The following SLC27A6 variants were observed in gnomAD, a reference collection of about 807,000 sequenced individuals.
The protein encoded by SLC27A6 is solute carrier family 27 member 6.
SLC27A6 carries 74 observed loss-of-function variants against 63.9 expected under a neutral mutation model. The ratio of observed to expected loss-of-function variants is 1.16; its 90% CI spans 0.96 to 1.40. The LOEUF is 1.40. Ranked by LOEUF, SLC27A6 falls within the 40% of genes most tolerant of loss-of-function variation. SLC27A6 has a pLI of 0.00. For synonymous variants in SLC27A6, 287 were observed against 260.8 expected, an observed-to-expected ratio of 1.10 and a Z score of -0.97; for missense variants, 794 against 732.9, an observed-to-expected ratio of 1.08 and a Z score of -0.96.
rs1184309106 is a variant in SLC27A6, at chr5:128,999,407, T to C, written c.969+8943T>C. 4.5e-4 allele frequency among the ~76,000 whole-genome samples: 69 copies of C among 152,230 alleles called. 1 individual carries two copies. Among genetic ancestry groups the C allele is most frequent in the Admixed American group, 4.5e-3 (69 of 15,276 alleles). ...TGATCTTCTTGACTAAATGTTGGCA[T>C]GCCCCTGACTCACTCTCAAACCTTT... On this transcript the variant is annotated intron_variant, in intron 4 of 9. Transcript: ENST00000262462.
intron 4 of SLC27A6, among the ~76,000 whole-genome samples, chr5:129,014,713 A>G (rs1751835265): frequency 6.6e-6 from 1 of 152,194 alleles, no homozygotes; most frequent in Non-Finnish European, 1.5e-5. Context: ...GTAGATATTC[A>G]GTTATACAAC....
At chr5:128,984,071 G>C (rs1057054749) in intron 1 of SLC27A6, among the ~76,000 whole-genome samples, 2 of 152,140 alleles carry the variant, frequency 1.3e-5, no homozygotes, top group Non-Finnish European at 2.9e-5. Context: ...AAATAAGGAA[G>C]TAAAATCAGA....
At chr5:128,978,561 C>T (rs540638642) in intron 1 of SLC27A6, among the ~76,000 whole-genome samples, 2 of 152,252 alleles carry the variant, frequency 1.3e-5, no homozygotes, top group South Asian at 2.1e-4. Context: ...TTATCAGATA[C>T]CAGCCATGAT....
In SLC27A6 at chr5:129,015,889, A is replaced by G; in HGVS notation, c.974A>G (p.Glu325Gly). Residue 325 changes from glutamate (E) to glycine (G), a missense_variant, in exon 5 of 10, where the codon GAA (glutamate) becomes GGA (glycine). Glu to Gly is a moderately conservative substitution (Grantham distance 98). Transcript: ENST00000262462. ...CRYLCKQSKR[E>G]GEKDHKVRLA... ...TAAAACATTTTCTTCTAACAGAGAG[A>G]AGGAGAAAAGGATCATAAGGTGCGT... 15 of 1,574,120 alleles carry G rather than the reference A, an allele frequency of 9.5e-6. No homozygotes were observed. The highest frequency in any genetic ancestry group is 1.3e-5 in the Non-Finnish European group (15 of 1,166,458).
intron 1 of SLC27A6, among the ~76,000 whole-genome samples, chr5:128,981,376 G>C (rs1260025980): frequency 6.6e-6 from 1 of 151,948 alleles, no homozygotes; most frequent in Non-Finnish European, 1.5e-5. Flanking sequence ...AGCTACTTGG[G>C]AGGCTGAGGT....
At chr5:128,978,820 C>T (rs1420040154) in intron 1 of SLC27A6, among the ~76,000 whole-genome samples, 1 of 152,202 alleles carries the variant, frequency 6.6e-6, no homozygotes, top group African/African-American at 2.4e-5. Flanking sequence ...AGAATGCATA[C>T]ATGATGATGG....
intron 5 of SLC27A6, among the ~76,000 whole-genome samples, chr5:129,018,249 T>A (rs568132377): frequency 9.9e-5 from 15 of 152,266 alleles, no homozygotes; most frequent in African/African-American, 3.4e-4. Context: ...CTTTAGTTTT[T>A]TAGGTGAAAT....
intron 3 of SLC27A6, 100 bp downstream of exon 3, chr5:128,988,858 T>C (rs1260954163): frequency 1.8e-5 from 15 of 822,946 alleles, no homozygotes; most frequent in Non-Finnish European, 2.7e-5. Context: ...TTTAGAGTGA[T>C]TATATGCATA....
At chr5:129,018,363 C>A (rs891390957) in intron 5 of SLC27A6, among the ~76,000 whole-genome samples, 1 of 152,008 alleles carries the variant, frequency 6.6e-6, no homozygotes, top group Non-Finnish European at 1.5e-5. Flanking sequence ...AAGTAATCGG[C>A]AGACATGTGT....
intron 2 of SLC27A6, among the ~76,000 whole-genome samples, chr5:128,985,958 A>C (rs1396959603): frequency 6.6e-6 from 1 of 152,180 alleles, no homozygotes; most frequent in Non-Finnish European, 1.5e-5. Context: ...AATAAAATCA[A>C]GTAAATAAGC....
intron 4 of SLC27A6, among the ~76,000 whole-genome samples, chr5:129,012,950 T>G (rs1751773537): frequency 6.6e-6 from 1 of 152,042 alleles, no homozygotes; most frequent in Admixed American, 6.6e-5. Context: ...ACTTATGATA[T>G]ATTTGCTTTT....
intron 1 of SLC27A6, among the ~76,000 whole-genome samples, chr5:128,977,067 T>C (rs1423198937): frequency 6.6e-6 from 1 of 152,178 alleles, no homozygotes; most frequent in Non-Finnish European, 1.5e-5. Context: ...ATCACCACCC[T>C]CAAAACCAGT....
At chr5:128,976,146 T>C (rs1265293184) in intron 1 of SLC27A6, among the ~76,000 whole-genome samples, 3 of 152,140 alleles carry the variant, frequency 2.0e-5, no homozygotes, top group Admixed American at 6.6e-5. Context: ...TATCATAGTA[T>C]GTAGGTAAGA....
intron 1 of SLC27A6, among the ~76,000 whole-genome samples, chr5:128,966,978 G>A (rs1175947063): frequency 2.0e-5 from 3 of 152,108 alleles, no homozygotes; most frequent in African/African-American, 7.2e-5. Flanking sequence ...ATTGTGACAC[G>A]TCTACCTACC....
At position 128,985,301 on chromosome 5, in the gene SLC27A6, C is replaced by T. The variant is rs1460898160; in HGVS notation, c.650C>T (p.Ser217Phe). The T allele has an allele frequency of 1.2e-6, 2 of 1,613,968 alleles. No individual in the cohort carries two copies. The highest frequency in any genetic ancestry group is 2.2e-5 in the South Asian group (2 of 91,076). Residue 217 changes from serine (S) to phenylalanine (F), a missense_variant, in exon 2 of 10, where the codon TCT (serine) becomes TTT (phenylalanine). Physicochemically the swap from Ser to Phe is radical, Grantham distance 155. Coordinates refer to ENST00000262462, the MANE Select transcript of SLC27A6 (RefSeq NM_001017372.3). ...RSHHVVSLLK[S>F]TCLYIFTSGT... ...CACCATGTTGTCTCACTCCTCAAGT[C>T]TACTTGTCTTTACATTTTTACCTCT...
At chr5:128,991,313 C>T (rs1355242580) in intron 4 of SLC27A6, among the ~76,000 whole-genome samples, 1 of 152,144 alleles carries the variant, frequency 6.6e-6, no homozygotes, top group Non-Finnish European at 1.5e-5. Flanking sequence ...CTTAGTCGGC[C>T]TAGGAAATCC....
chr5:129,023,793 T>A, intron 6 of SLC27A6, 83 bp downstream of exon 6: 1 of 1,003,274 alleles, frequency 1.0e-6, no homozygotes, highest in East Asian at 2.4e-5. Context: ...CCTTGGGGGA[T>A]TGGTTCCAGG....
At chr5:128,999,633 C>T (rs1426940065) in intron 4 of SLC27A6, among the ~76,000 whole-genome samples, 5 of 152,106 alleles carry the variant, frequency 3.3e-5, no homozygotes, top group South Asian at 4.2e-4. Context: ...TTTTACACCC[C>T]GCTAGTTTAT....
intron 1 of SLC27A6, among the ~76,000 whole-genome samples, chr5:128,980,021 G>A (rs1235547499): frequency 6.6e-6 from 1 of 152,184 alleles, no homozygotes; most frequent in African/African-American, 2.4e-5. Context: ...GGTCTGACTT[G>A]GAAACAAAAC....
Sources: gnomAD v4.1 joint callset for allele counts (sites outside exome capture counted in the v4.1 genomes callset) on GRCh38, gnomAD v4.1.1 for gene constraint, MANE v1.5 for transcripts, NCBI Gene and HGNC (gene_info 2026-07-23, HGNC 2026-07-21) for gene names.